The following AGBL4 variants were observed in gnomAD, a reference collection of about 807,000 sequenced individuals.
AGBL4 encodes AGBL carboxypeptidase 4, also known as cytosolic carboxypeptidase 6.
AGBL4 carries 58 observed loss-of-function variants against 66.4 expected under a neutral mutation model. The observed-to-expected ratio is 0.87, with a 90% confidence interval of 0.71 to 1.09. The LOEUF is 1.09. Ranked by LOEUF, AGBL4 falls within the 50% of genes least tolerant of loss-of-function variation. AGBL4 has a pLI of 0.00. For missense variants in AGBL4, 579 were observed against 631.0 expected (o/e 0.92, Z 0.88); for synonymous variants, 234 against 222.9 (o/e 1.05, Z -0.44).
intron 9 of AGBL4, among the ~76,000 whole-genome samples, chr1:48,611,106 T>C (rs954682500): frequency 3.9e-5 from 6 of 152,218 alleles, no homozygotes; most frequent in African/African-American, 1.4e-4. Context: ...TTTCTAAGCC[T>C]GCCCAGCTCT....
At chr1:49,773,691 AG>A in intron 2 of AGBL4, among the ~76,000 whole-genome samples, 1 of 152,320 alleles carries the variant, frequency 6.6e-6, no homozygotes, top group Non-Finnish European at 1.5e-5. Flanking sequence ...TGGAATGGCA[AG>A]GCCACTGCCA....
intron 6 of AGBL4, among the ~76,000 whole-genome samples, chr1:48,713,459 C>T (rs1390180908): frequency 6.6e-6 from 1 of 152,114 alleles, no homozygotes. Flanking sequence ...GTGCTGCGTC[C>T]GCAGTGGGAA....
intron 4 of AGBL4, among the ~76,000 whole-genome samples, chr1:49,228,126 T>G (rs1351970700): frequency 3.3e-5 from 5 of 152,210 alleles, no homozygotes; most frequent in Non-Finnish European, 7.3e-5. Flanking sequence ...GGGAAATATG[T>G]TATTAATCTT....
At chr1:48,840,646 G>T (rs1367088711) in intron 6 of AGBL4, among the ~76,000 whole-genome samples, 1 of 152,190 alleles carries the variant, frequency 6.6e-6, no homozygotes, top group Non-Finnish European at 1.5e-5. Context: ...TAGCAAGGAT[G>T]CAGAGTAACC....
At chr1:49,778,319 C>T (rs1309784683) in intron 2 of AGBL4, among the ~76,000 whole-genome samples, 1 of 152,176 alleles carries the variant, frequency 6.6e-6, no homozygotes. Flanking sequence ...ACTCTCCTCA[C>T]CCGCAGCCCT....
intron 5 of AGBL4, among the ~76,000 whole-genome samples, chr1:48,902,369 G>T (rs1482179174): frequency 6.6e-6 from 1 of 152,174 alleles, no homozygotes; most frequent in African/African-American, 2.4e-5. Flanking sequence ...GCACAAGTGA[G>T]TTTACAATGA....
chr1:48,611,463 T>C (rs1240758410), intron 9 of AGBL4, among the ~76,000 whole-genome samples: 1 of 152,214 alleles, frequency 6.6e-6, no homozygotes, highest in African/African-American at 2.4e-5. Flanking sequence ...TACTTTTATT[T>C]TTTTCTTCAT....
chr1:49,295,577 A>C (rs1226675559), intron 3 of AGBL4, among the ~76,000 whole-genome samples: 1 of 152,230 alleles, frequency 6.6e-6, no homozygotes, highest in Non-Finnish European at 1.5e-5. Context: ...AAGACTAAAC[A>C]ACCTGTCTAG....
chr1:49,509,009 C>T (rs537130344), intron 3 of AGBL4, among the ~76,000 whole-genome samples: 14 of 151,674 alleles, frequency 9.2e-5, no homozygotes, highest in African/African-American at 1.9e-4. Flanking sequence ...GATAAGATAC[C>T]CAAACACCCC....
At chr1:49,554,465 T>G (rs959565489) in intron 3 of AGBL4, among the ~76,000 whole-genome samples, 5 of 152,230 alleles carry the variant, frequency 3.3e-5, no homozygotes, top group Non-Finnish European at 5.9e-5. Context: ...AACCATTTTT[T>G]TAGCTTACTA....
chr1:49,715,718 A>G (rs1411560819), intron 2 of AGBL4, among the ~76,000 whole-genome samples: 3 of 152,134 alleles, frequency 2.0e-5, no homozygotes, highest in African/African-American at 7.2e-5. Context: ...AGTGATGATG[A>G]GCCTTTTTTC....
At chr1:49,903,332 T>C (rs1359069589) in intron 1 of AGBL4, among the ~76,000 whole-genome samples, 3 of 151,996 alleles carry the variant, frequency 2.0e-5, no homozygotes, top group African/African-American at 4.8e-5. Context: ...AGGAGAACAA[T>C]AGACACCAGA....
intron 5 of AGBL4, among the ~76,000 whole-genome samples, chr1:49,008,010 C>G (rs1455816228): frequency 6.6e-6 from 1 of 152,088 alleles, no homozygotes; most frequent in Non-Finnish European, 1.5e-5. Flanking sequence ...ATGACAGGAT[C>G]AAATTAACAC....
At chr1:49,797,165 A>G (rs1373395894) in intron 2 of AGBL4, among the ~76,000 whole-genome samples, 2 of 152,198 alleles carry the variant, frequency 1.3e-5, no homozygotes, top group Non-Finnish European at 2.9e-5. Context: ...AAATCCTGCC[A>G]ATTTCACAAA....
At chr1:49,472,853 T>C (rs768694714) in intron 3 of AGBL4, among the ~76,000 whole-genome samples, 22 of 152,010 alleles carry the variant, frequency 1.4e-4, no homozygotes, top group Non-Finnish European at 1.0e-4. Context: ...CAGTGTTTAT[T>C]GTTCCCATCT....
intron 3 of AGBL4, among the ~76,000 whole-genome samples, chr1:49,488,381 C>A (rs1647113633): frequency 6.6e-6 from 1 of 151,076 alleles, no homozygotes; most frequent in African/African-American, 2.4e-5. Context: ...CTGTGGCTTT[C>A]TCTTGAATTT....
intron 5 of AGBL4, among the ~76,000 whole-genome samples, chr1:48,977,834 T>C (rs1659460822): frequency 6.6e-6 from 1 of 152,152 alleles, no homozygotes; most frequent in African/African-American, 2.4e-5. Context: ...AGCTTTTTAG[T>C]GCATCTGTGC....
chr1:49,534,778 T>C (rs1651438479), intron 3 of AGBL4, among the ~76,000 whole-genome samples: 1 of 152,220 alleles, frequency 6.6e-6, no homozygotes, highest in Non-Finnish European at 1.5e-5. Flanking sequence ...TTTGACCTAC[T>C]TTGTACAAAG....
intron 4 of AGBL4, among the ~76,000 whole-genome samples, chr1:49,113,467 G>A (rs1645454199): frequency 6.6e-6 from 1 of 151,854 alleles, no homozygotes; most frequent in African/African-American, 2.4e-5. Flanking sequence ...TGGCAAGGCT[G>A]TTCTTGAACA....
Sources: allele counts gnomAD v4.1 joint callset (sites outside exome capture counted in the v4.1 genomes callset), GRCh38; gene constraint gnomAD v4.1.1; transcripts MANE v1.5; gene names NCBI Gene and HGNC (gene_info 2026-07-23, HGNC 2026-07-21).